NDUFAF7: variants seen among roughly 807,000 people sequenced by gnomAD.
NDUFAF7 encodes the protein NADH:ubiquinone oxidoreductase complex assembly factor 7, also known as protein arginine methyltransferase NDUFAF7, mitochondrial.
Under a neutral mutation model 47.2 loss-of-function variants are expected in NDUFAF7, and 48 were observed. The ratio of observed to expected loss-of-function variants is 1.02; its 90% confidence interval spans 0.81 to 1.29. NDUFAF7 has a LOEUF of 1.29. Among genes scored for constraint, NDUFAF7 ranks in the 50% most tolerant of loss-of-function variants. The probability of loss-of-function intolerance (pLI) is 0.00; values close to 1 mark genes in which losing one functional copy is unlikely to be tolerated. For missense variants in NDUFAF7, 635 were observed against 537.6 expected, an observed-to-expected ratio of 1.18 and a Z score of -1.79; for synonymous variants, 217 against 190.0, an observed-to-expected ratio of 1.14 and a Z score of -1.17.
downstream of NDUFAF7, among the ~76,000 whole-genome samples, chr2:37,257,909 T>C (rs559597129): frequency 6.6e-6 from 1 of 152,254 alleles, no homozygotes; most frequent in Non-Finnish European, 1.5e-5. Flanking sequence ...TGTTTAGATT[T>C]GAAAACAGTT....
downstream of NDUFAF7, among the ~76,000 whole-genome samples, chr2:37,253,619 T>C (rs1667693267): frequency 6.6e-6 from 1 of 152,202 alleles, no homozygotes. Flanking sequence ...CTTAGGTGGC[T>C]AATAATAATC....
At chr2:37,252,267 C>T (rs1667561329), downstream of NDUFAF7, 1 of 152,182 alleles carries the variant, frequency 6.6e-6, no homozygotes, top group Non-Finnish European at 1.5e-5. Context: ...GCAGAAATTA[C>T]TGACTGAACC....
downstream of NDUFAF7, chr2:37,253,276 A>C: frequency 6.2e-7 from 1 of 1,613,230 alleles, no homozygotes; most frequent in South Asian, 1.1e-5. Flanking sequence ...AGCGAGCATC[A>C]TCACTTTCAT....
chr2:37,250,943 C>G (rs1420965531), downstream of NDUFAF7: 1 of 152,586 alleles, frequency 6.6e-6, no homozygotes, highest in African/African-American at 2.4e-5. Context: ...AGTGCCTTTA[C>G]AAAATTTTTA....
rs1450631065 is a variant in NDUFAF7 at position 37,234,092 on chromosome 2, TGTTTGTTGGCTTTTTGAGATAGA to T, written c.216+1829_216+1851del. Among the ~76,000 whole-genome samples the T allele has an allele frequency of 2.0e-5, 3 of 152,164 alleles. No individual in the cohort carries two copies. The South Asian group carries it at 6.2e-4, about 32-fold the overall frequency. On this transcript the variant is annotated intron_variant, in intron 2 of 9. Coordinates refer to ENST00000002125, the MANE Select transcript of NDUFAF7 (RefSeq NM_144736.5). The stretch of plus-strand genomic sequence containing the variant: ...TCTTTGGCTTGATTATGGGCTTTTT[TGTTTGTTGGCTTTTTGAGATAGA>T]GTCTCATTCTGTCACCCAGGCTGGA...
chr2:37,250,526 CTTTTT>C (rs564837742), downstream of NDUFAF7: 1 of 151,686 alleles, frequency 6.6e-6, no homozygotes, highest in Admixed American at 6.6e-5. Flanking sequence ...ATAAAATGAG[CTTTTT>C]TTTATTTTTG....
chr2:37,248,401 A>G lies in NDUFAF7; in HGVS notation c.*51A>G. The stretch of plus-strand genomic sequence containing the variant: ...TCAGTCGGCCCAAGAAATCAAAATA[A>G]AGGAAACACATTTCATATACTGCAG... On this transcript the variant is annotated 3_prime_UTR_variant, in exon 10 of 10. Transcript: ENST00000002125. 1 of 1,529,056 alleles carries G rather than the reference A, an allele frequency of 6.5e-7. No individual in the cohort carries two copies. Among genetic ancestry groups the G allele is most frequent in the Non-Finnish European group, 9.1e-7 (1 of 1,103,064 alleles). 94.7% of individuals were successfully genotyped at this position (1,529,056 alleles called of 1,614,324 possible). A position where few individuals can be genotyped will look rare whatever the true frequency, so the allele number is the denominator to read the frequency against.
At chr2:37,256,972 T>A (rs752187361), downstream of NDUFAF7, 3 of 1,595,548 alleles carry the variant, frequency 1.9e-6, no homozygotes, top group South Asian at 3.3e-5. Context: ...TATAGTGTTA[T>A]ATATGTAACT....
chr2:37,260,267 T>G, the NDUFAF7 span: 3 of 1,612,046 alleles, frequency 1.9e-6, no homozygotes, highest in Non-Finnish European at 8.5e-7. Flanking sequence ...AGCCGACTTT[T>G]CTCACTGGAT....
At chr2:37,267,587 T>C in the NDUFAF7 span, 2 of 1,303,944 alleles carry the variant, frequency 1.5e-6, no homozygotes, top group Admixed American at 1.8e-5. Context: ...ACAGCTTTAT[T>C]AGGGAGTTGT....
intron 2 of NDUFAF7, among the ~76,000 whole-genome samples, chr2:37,233,621 CAAA>C (rs1175933313): frequency 1.6e-5 from 1 of 62,476 alleles, no homozygotes; most frequent in Non-Finnish European, 3.4e-5. Context: ...GACTCTGTCT[CAAA>C]AAAAAAAAAA....
chr2:37,237,609 C>G (rs1665930068), intron 3 of NDUFAF7, 148 bp from the exon 4 acceptor site: 1 of 644,948 alleles, frequency 1.6e-6, no homozygotes, highest in Admixed American at 2.5e-5. Context: ...CCTATGTGAA[C>G]ATGTACGTAT....
chr2:37,244,634 T>G (rs1666722199), intron 7 of NDUFAF7, among the ~76,000 whole-genome samples: 1 of 152,136 alleles, frequency 6.6e-6, no homozygotes, highest in East Asian at 1.9e-4. Context: ...TTTTTAATCC[T>G]TTTTTTCCAG....
At chr2:37,249,553 TGATA>T (rs1308903260), downstream of NDUFAF7, among the ~76,000 whole-genome samples, 2 of 105,416 alleles carry the variant, frequency 1.9e-5, no homozygotes, top group African/African-American at 4.0e-5. Flanking sequence ...CTCTAGCCTG[TGATA>T]GACACACACA....
chr2:37,234,819 C>T (rs1196600363), intron 2 of NDUFAF7, among the ~76,000 whole-genome samples: 2 of 151,976 alleles, frequency 1.3e-5, no homozygotes, highest in African/African-American at 2.4e-5. Context: ...TTCTTGGAGT[C>T]CCCAGATTAG....
At chr2:37,261,648 C>T in the NDUFAF7 span, among the ~76,000 whole-genome samples, 17 of 151,806 alleles carry the variant, frequency 1.1e-4, no homozygotes, top group South Asian at 6.2e-4. Context: ...GGTGTGGTGG[C>T]GCAAGCCTGT....
downstream of NDUFAF7, chr2:37,256,689 T>C (rs771251155): frequency 6.3e-7 from 1 of 1,591,300 alleles, no homozygotes; most frequent in South Asian, 1.1e-5. Flanking sequence ...CTCCATGGAT[T>C]TGGTGGGTAC....
At chr2:37,256,560 A>G (rs892974884), downstream of NDUFAF7, 1 of 1,347,392 alleles carries the variant, frequency 7.4e-7, no homozygotes, top group African/African-American at 1.5e-5. Context: ...TGTACTAAAA[A>G]GATAAGTTGC....
rs60098762 is a variant in NDUFAF7, at chr2:37,248,914, C to CA, written c.*574dup. 0.49 allele frequency: 73,573 copies of CA among 151,140 alleles called. 17,690 individuals are homozygous for CA. Among genetic ancestry groups the CA allele is most frequent in the Middle Eastern group, 0.55 (160 of 292 alleles). The allele number at this position is 151,140 out of a possible 1,614,324, so 9.4% of individuals were successfully genotyped here. Reference sequence around the variant, plus strand: ...GGGCAACAAGAGCAAAAATCCCTCTCAAAAAAAAAAGTAAACATGGGCACT... The same window carrying CA: ...GGGCAACAAGAGCAAAAATCCCTCTCAAAAAAAAAAAGTAAACATGGGCACT... On this transcript the variant is annotated 3_prime_UTR_variant, in exon 10 of 10. Transcript: ENST00000002125.
Sources: allele counts gnomAD v4.1 joint callset (sites outside exome capture counted in the v4.1 genomes callset), GRCh38; gene constraint gnomAD v4.1.1; transcripts MANE v1.5; gene names NCBI Gene and HGNC (gene_info 2026-07-23, HGNC 2026-07-21).